RIMS2: variants seen among roughly 807,000 people sequenced by gnomAD.
RIMS2 encodes the protein regulating synaptic membrane exocytosis 2.
Under a neutral mutation model 174.4 loss-of-function variants are expected in RIMS2, and 59 were observed. The ratio of observed to expected loss-of-function variants is 0.34; its 90% CI spans 0.27 to 0.42. RIMS2 has a LOEUF of 0.42. Ranked by LOEUF, RIMS2 falls within the 10% of genes least tolerant of loss-of-function variation. The pLI is 1.00. For synonymous variants in RIMS2, 606 were observed against 572.5 expected, an observed-to-expected ratio of 1.06 and a Z score of -0.84; for missense variants, 1,620 against 1,666.3, an observed-to-expected ratio of 0.97 and a Z score of 0.48.
At chr8:103,993,557 C>T (rs1427486808) in intron 17 of RIMS2, among the ~76,000 whole-genome samples, 2 of 152,014 alleles carry the variant, frequency 1.3e-5, no homozygotes, top group Admixed American at 6.6e-5. Context: ...ATGAAGGAAA[C>T]ATATCTCTGA....
At chr8:103,943,296 T>C (rs1459778013) in intron 14 of RIMS2, among the ~76,000 whole-genome samples, 1 of 152,178 alleles carries the variant, frequency 6.6e-6, no homozygotes, top group Non-Finnish European at 1.5e-5. Flanking sequence ...TTTCCTCCTT[T>C]ATTATTCTAG....
intron 19 of RIMS2, among the ~76,000 whole-genome samples, chr8:104,236,715 A>T (rs1264938207): frequency 6.6e-6 from 1 of 152,096 alleles, no homozygotes; most frequent in Admixed American, 6.6e-5. Context: ...AGAGCAGACG[A>T]AAAGTAGTTA....
At chr8:103,591,120 T>C (rs1183681170) in intron 1 of RIMS2, among the ~76,000 whole-genome samples, 2 of 151,046 alleles carry the variant, frequency 1.3e-5, no homozygotes, top group African/African-American at 4.8e-5. Flanking sequence ...TATGTAGAGG[T>C]AGCTCTCTGT....
At chr8:103,884,304 A>C (rs150655500) in intron 3 of RIMS2, among the ~76,000 whole-genome samples, 142 of 151,884 alleles carry the variant, frequency 9.3e-4, no homozygotes, top group African/African-American at 2.9e-3. Flanking sequence ...TCACTCTTTC[A>C]TTGTCTCCTG....
chr8:103,613,734 G>T (rs573192553), intron 1 of RIMS2, among the ~76,000 whole-genome samples: 1 of 152,216 alleles, frequency 6.6e-6, no homozygotes, highest in East Asian at 1.9e-4. Flanking sequence ...GGGACCAAGG[G>T]CTCCTTAAGA....
chr8:103,716,902 C>T (rs1031946410), intron 2 of RIMS2, among the ~76,000 whole-genome samples: 1 of 152,038 alleles, frequency 6.6e-6, no homozygotes, highest in Non-Finnish European at 1.5e-5. Context: ...GTAGATACGA[C>T]TAGACTACCG....
chr8:103,594,439 A>G (rs1359445613), intron 1 of RIMS2, among the ~76,000 whole-genome samples: 3 of 151,674 alleles, frequency 2.0e-5, no homozygotes, highest in East Asian at 3.8e-4. Flanking sequence ...TATGTATTAA[A>G]TAAGGCATGT....
At chr8:104,108,443 C>T (rs943621529) in intron 19 of RIMS2, among the ~76,000 whole-genome samples, 1 of 151,846 alleles carries the variant, frequency 6.6e-6, no homozygotes, top group Non-Finnish European at 1.5e-5. Context: ...AGGCATGCAC[C>T]ACCACACCTG....
intron 13 of RIMS2, among the ~76,000 whole-genome samples, chr8:103,938,550 C>G (rs1240306157): frequency 6.6e-6 from 1 of 152,058 alleles, no homozygotes; most frequent in Non-Finnish European, 1.5e-5. Context: ...CACAGCCAAA[C>G]CATATCATTC....
chr8:103,576,806 C>A (rs1355655339), intron 1 of RIMS2, among the ~76,000 whole-genome samples: 1 of 152,112 alleles, frequency 6.6e-6, no homozygotes, highest in Non-Finnish European at 1.5e-5. Flanking sequence ...ATATCCCTAA[C>A]AAAAACAAGC....
At chr8:103,766,535 C>G in exon 3 of RIMS2, 7 of 1,600,798 alleles carry the variant, frequency 4.4e-6, no homozygotes, top group Non-Finnish European at 6.0e-6. Context: ...TAGCTTCAGA[C>G]AGGTAAACAT....
At chr8:104,207,621 C>T (rs542017325) in intron 19 of RIMS2, among the ~76,000 whole-genome samples, 110 of 151,926 alleles carry the variant, frequency 7.2e-4, no homozygotes, top group African/African-American at 2.4e-3. Context: ...GCCTGGCCAA[C>T]GTGGTGAAAC....
chr8:103,623,558 C>G (rs1297609260), intron 1 of RIMS2, among the ~76,000 whole-genome samples: 1 of 140,890 alleles, frequency 7.1e-6, no homozygotes, highest in Non-Finnish European at 1.5e-5. Context: ...GATCTCGGCT[C>G]ACTGCAAGCT....
At chr8:103,652,139 A>G (rs2096462481) in intron 1 of RIMS2, 66 bp from the exon 2 acceptor site, 2 of 834,918 alleles carry the variant, frequency 2.4e-6, no homozygotes, top group Admixed American at 2.5e-5. Context: ...TTATATGAAC[A>G]CAAATTTGTA....
intron 19 of RIMS2, among the ~76,000 whole-genome samples, chr8:104,161,983 G>A (rs1395327618): frequency 6.6e-6 from 1 of 152,158 alleles, no homozygotes; most frequent in African/African-American, 2.4e-5. Context: ...CTGCCTTCCA[G>A]TCAGAGAAGT....
intron 19 of RIMS2, among the ~76,000 whole-genome samples, chr8:104,207,699 G>C (rs1025982213): frequency 6.6e-6 from 1 of 151,964 alleles, no homozygotes; most frequent in Non-Finnish European, 1.5e-5. Flanking sequence ...TGTAACCCCA[G>C]CTACTTGGGA....
intron 19 of RIMS2, among the ~76,000 whole-genome samples, chr8:104,104,626 G>A (rs2097997140): frequency 6.6e-6 from 1 of 152,114 alleles, no homozygotes; most frequent in Non-Finnish European, 1.5e-5. Flanking sequence ...TGTCTTTGAG[G>A]CCTGTGTGAT....
intron 19 of RIMS2, among the ~76,000 whole-genome samples, chr8:104,181,675 C>G (rs1249893070): frequency 6.6e-6 from 1 of 151,460 alleles, no homozygotes; most frequent in East Asian, 1.9e-4. Context: ...CTTTTGAACT[C>G]TAAGGGGAAA....
intron 1 of RIMS2, among the ~76,000 whole-genome samples, chr8:103,561,332 C>G (rs563685863): frequency 6.6e-6 from 1 of 152,056 alleles, no homozygotes; most frequent in East Asian, 1.9e-4. Flanking sequence ...AAGAAACATA[C>G]CCATTGAATC....
Sources: allele counts gnomAD v4.1 joint callset (sites outside exome capture counted in the v4.1 genomes callset), GRCh38; gene constraint gnomAD v4.1.1; transcripts MANE v1.5; gene names NCBI Gene and HGNC (gene_info 2026-07-23, HGNC 2026-07-21).